Variants in WWOX observed in about 807,000 individuals in gnomAD.
The protein encoded by WWOX is WW domain containing oxidoreductase, also known as WW domain-containing oxidoreductase.
WWOX carries 69 observed loss-of-function variants against 46.2 expected under a neutral mutation model. The observed-to-expected ratio is 1.49, with a 90% CI of 1.23 to 1.82. The LOEUF (loss-of-function observed/expected upper bound fraction) is 1.82, where lower values mean the gene tolerates loss of function less well. Ranked by LOEUF, WWOX falls within the 40% of genes most tolerant of loss-of-function variation. The probability of loss-of-function intolerance (pLI) is 0.00; values close to 1 mark genes in which losing one functional copy is unlikely to be tolerated. For synonymous variants in WWOX, 359 were observed against 202.6 expected (o/e 1.77, Z -6.56); for missense variants, 919 against 542.6 (o/e 1.69, Z -6.89).
chr16:78,985,252 C>T (rs1003243255), intron 8 of WWOX, among the ~76,000 whole-genome samples: 3 of 152,224 alleles, frequency 2.0e-5, no homozygotes, highest in Non-Finnish European at 4.4e-5. Flanking sequence ...CAGGCACAAA[C>T]GCTGTCTTCT....
chr16:79,072,268 A>T (rs545907407), intron 8 of WWOX, among the ~76,000 whole-genome samples: 96 of 152,296 alleles, frequency 6.3e-4, no homozygotes, highest in South Asian at 1.5e-3. Flanking sequence ...CCTGAGTAAC[A>T]GAATGAGACT....
chr16:78,483,125 G>C (rs990135656), intron 8 of WWOX, among the ~76,000 whole-genome samples: 2 of 152,132 alleles, frequency 1.3e-5, no homozygotes, highest in South Asian at 4.1e-4. Context: ...GATGGCTCTC[G>C]ATATGCATGA....
At chr16:79,093,010 C>A (rs990706357) in intron 8 of WWOX, among the ~76,000 whole-genome samples, 9 of 152,124 alleles carry the variant, frequency 5.9e-5, no homozygotes, top group African/African-American at 2.2e-4. Flanking sequence ...TATTCAATAG[C>A]AAAAACCGCA....
In WWOX at chr16:78,825,316, C is replaced by T. The variant is rs566755667; in HGVS notation, c.1057-386292C>T. 114 of 301,084 alleles carry T rather than the reference C, an allele frequency of 3.8e-4. 1 individual carries two copies. Among genetic ancestry groups the T allele is most frequent in the African/African-American group, 2.1e-3 (95 of 46,062 alleles). The allele number at this position is 301,084 out of a possible 1,614,324, so 18.7% of individuals were successfully genotyped here. ...GAATTTCCAAGAAGAGGATGTTGGT[C>T]GCTGATGGCATCTTCAAAGCTGAAC... On this transcript the variant is annotated intron_variant, in intron 8 of 8. Coordinates refer to ENST00000566780, the MANE Select transcript of WWOX (RefSeq NM_016373.4).
chr16:78,474,106 G>C (rs1282828257), intron 8 of WWOX, among the ~76,000 whole-genome samples: 1 of 152,228 alleles, frequency 6.6e-6, no homozygotes, highest in Non-Finnish European at 1.5e-5. Flanking sequence ...GGTCTTGCCT[G>C]TTAAGCACGC....
chr16:78,985,797 A>G (rs1300642621), intron 8 of WWOX, among the ~76,000 whole-genome samples: 3 of 152,128 alleles, frequency 2.0e-5, no homozygotes, highest in African/African-American at 2.4e-5. Context: ...GGCACAGACA[A>G]TTTACCTGGA....
chr16:78,389,543 A>G (rs974109657), intron 6 of WWOX, among the ~76,000 whole-genome samples: 1 of 152,288 alleles, frequency 6.6e-6, no homozygotes, highest in Middle Eastern at 3.4e-3. Context: ...ATACGTGGAA[A>G]ATATTTTGCA....
At chr16:78,901,416 C>T (rs1269031941) in intron 8 of WWOX, among the ~76,000 whole-genome samples, 3 of 152,054 alleles carry the variant, frequency 2.0e-5, no homozygotes, top group Admixed American at 6.6e-5. Context: ...TGTTCTTTTC[C>T]CTCTCCCCAC....
intron 8 of WWOX, among the ~76,000 whole-genome samples, chr16:79,015,555 A>G (rs1384381273): frequency 6.6e-6 from 1 of 152,050 alleles, no homozygotes; most frequent in East Asian, 1.9e-4. Flanking sequence ...ACCTCCAGGA[A>G]CAGTCCTGGT....
chr16:78,541,606 G>A (rs1018700329), intron 8 of WWOX, among the ~76,000 whole-genome samples: 2 of 148,718 alleles, frequency 1.3e-5, no homozygotes, highest in African/African-American at 4.9e-5. Flanking sequence ...TTATAGTTAA[G>A]TTAATGAACT....
At chr16:78,683,992 C>T (rs186478419) in intron 8 of WWOX, among the ~76,000 whole-genome samples, 1 of 152,166 alleles carries the variant, frequency 6.6e-6, no homozygotes, top group African/African-American at 2.4e-5. Context: ...ACAACTGTGG[C>T]GTTCTCTTTT....
chr16:78,472,808 T>TC (rs2084256169), intron 8 of WWOX, among the ~76,000 whole-genome samples: 1 of 30,608 alleles, frequency 3.3e-5, no homozygotes, highest in Admixed American at 4.9e-4. Flanking sequence ...AAACTCCATC[T>TC]CAAAAAAAAA....
At chr16:78,519,887 T>C (rs2043312396) in intron 8 of WWOX, among the ~76,000 whole-genome samples, 2 of 152,304 alleles carry the variant, frequency 1.3e-5, no homozygotes, top group East Asian at 1.9e-4. Flanking sequence ...TAAGTTATAC[T>C]ATTTTGGGAT....
intron 8 of WWOX, among the ~76,000 whole-genome samples, chr16:78,965,684 C>T (rs182553814): frequency 1.8e-4 from 28 of 152,212 alleles, no homozygotes; most frequent in African/African-American, 5.3e-4. Context: ...CCAGTTCTGT[C>T]GTCGTCATTT....
At chr16:78,348,043 T>G (rs931517305) in intron 5 of WWOX, among the ~76,000 whole-genome samples, 3 of 122,588 alleles carry the variant, frequency 2.4e-5, no homozygotes, top group Admixed American at 7.9e-5. Context: ...ACCTTTCTGC[T>G]TCCATCCCCT....
intron 8 of WWOX, among the ~76,000 whole-genome samples, chr16:79,123,403 G>A (rs757518399): frequency 1.7e-4 from 26 of 152,094 alleles, no homozygotes; most frequent in Non-Finnish European, 2.2e-4. Flanking sequence ...CCAGGTTTTC[G>A]GGAGTGGAAA....
At chr16:79,039,666 C>A (rs936130911) in intron 8 of WWOX, among the ~76,000 whole-genome samples, 2 of 152,130 alleles carry the variant, frequency 1.3e-5, no homozygotes, top group Non-Finnish European at 2.9e-5. Flanking sequence ...GTCCATTGTT[C>A]CTTGTGCCAT....
At chr16:79,004,221 C>T (rs757238773) in intron 8 of WWOX, 5 of 152,148 alleles carry the variant, frequency 3.3e-5, no homozygotes, top group Non-Finnish European at 5.9e-5. Context: ...CCTTCAGAAC[C>T]ACATCTAGCA....
At chr16:78,577,832 A>G (rs1256144299) in intron 8 of WWOX, among the ~76,000 whole-genome samples, 1 of 152,120 alleles carries the variant, frequency 6.6e-6, no homozygotes, top group African/African-American at 2.4e-5. Context: ...ACATGTACAG[A>G]TGACCTTGTT....
Sources: allele counts gnomAD v4.1 joint callset (sites outside exome capture counted in the v4.1 genomes callset), GRCh38; gene constraint gnomAD v4.1.1; transcripts MANE v1.5; gene names NCBI Gene and HGNC (gene_info 2026-07-23, HGNC 2026-07-21).